The following TENM2 variants were observed in gnomAD, a reference collection of about 807,000 sequenced individuals.
The protein encoded by TENM2 is teneurin-2.
In TENM2, 52 loss-of-function variants were observed where a neutral mutation model predicts 245.2. The observed-to-expected ratio is 0.21, with a 90% CI of 0.17 to 0.27. TENM2 has a LOEUF of 0.27. TENM2 is among the 10% of genes least tolerant of loss of function. The pLI is 1.00. For missense variants in TENM2, 3,046 were observed against 3,666.8 expected (o/e 0.83, Z 4.37); for synonymous variants, 1,363 against 1,438.9 (o/e 0.95, Z 1.19).
the TENM2 span, among the ~76,000 whole-genome samples, chr5:167,058,577 A>C: frequency 6.6e-6 from 1 of 152,096 alleles, no homozygotes; most frequent in South Asian, 2.1e-4. Flanking sequence ...TGGTTAACAT[A>C]GCAAGACCCT....
intron 2 of TENM2, among the ~76,000 whole-genome samples, chr5:167,463,548 G>C (rs1484157651): frequency 6.6e-6 from 1 of 151,740 alleles, no homozygotes; most frequent in African/African-American, 2.4e-5. Flanking sequence ...GCCCAGGCTG[G>C]AGTGTAATGG....
At chr5:168,029,015 A>C (rs1581103684) in intron 5 of TENM2, among the ~76,000 whole-genome samples, 1 of 152,290 alleles carries the variant, frequency 6.6e-6, no homozygotes, top group South Asian at 2.1e-4. Flanking sequence ...CCAGAGGCTG[A>C]CTAGCTTTTA....
intron 4 of TENM2, among the ~76,000 whole-genome samples, chr5:167,987,815 T>G (rs1226441353): frequency 6.6e-6 from 1 of 152,190 alleles, no homozygotes; most frequent in African/African-American, 2.4e-5. Flanking sequence ...TGAAGATCAC[T>G]TCTATCGAAT....
the TENM2 span, among the ~76,000 whole-genome samples, chr5:167,180,410 A>G: frequency 6.6e-6 from 1 of 151,900 alleles, no homozygotes; most frequent in Non-Finnish European, 1.5e-5. Flanking sequence ...TTCTCTCCCT[A>G]CTTTTCTTGG....
chr5:167,669,712 G>T (rs1172656183), intron 2 of TENM2, among the ~76,000 whole-genome samples: 1 of 152,072 alleles, frequency 6.6e-6, no homozygotes, highest in Non-Finnish European at 1.5e-5. Context: ...CTTTACTGGG[G>T]ACAGACGGCA....
chr5:167,502,365 C>A (rs1321723256), intron 2 of TENM2, among the ~76,000 whole-genome samples: 2 of 152,136 alleles, frequency 1.3e-5, no homozygotes, highest in Admixed American at 1.3e-4. Flanking sequence ...CAGCATGCAA[C>A]AATTTAATGA....
intron 1 of TENM2, among the ~76,000 whole-genome samples, chr5:167,366,538 A>G (rs1760066111): frequency 6.6e-6 from 1 of 152,138 alleles, no homozygotes; most frequent in Non-Finnish European, 1.5e-5. Flanking sequence ...TCCCTTTTAT[A>G]AATGAAGTCA....
chr5:168,144,268 G>A (rs1373592451), intron 12 of TENM2, among the ~76,000 whole-genome samples: 12 of 151,790 alleles, frequency 7.9e-5, no homozygotes, highest in Admixed American at 7.9e-4. Flanking sequence ...GCATGCTGGT[G>A]CGCTGCACCC....
chr5:167,967,622 T>TA (rs1036279073), intron 4 of TENM2, among the ~76,000 whole-genome samples: 1 of 151,798 alleles, frequency 6.6e-6, no homozygotes, highest in Non-Finnish European at 1.5e-5. Context: ...AGAAAGAACT[T>TA]AAAAAAAAGA....
intron 2 of TENM2, among the ~76,000 whole-genome samples, chr5:167,536,953 G>T (rs903781850): frequency 3.9e-5 from 6 of 152,066 alleles, no homozygotes; most frequent in Non-Finnish European, 8.8e-5. Flanking sequence ...GAACCCGGGA[G>T]GTGGAGGTTG....
chr5:167,071,103 G>A, the TENM2 span, among the ~76,000 whole-genome samples: 1 of 152,036 alleles, frequency 6.6e-6, no homozygotes, highest in African/African-American at 2.4e-5. Context: ...CAAGCCCTGT[G>A]TGCTTCTATT....
the TENM2 span, among the ~76,000 whole-genome samples, chr5:167,125,029 G>A: frequency 6.6e-6 from 1 of 152,168 alleles, no homozygotes. Flanking sequence ...TGTTCCTGCA[G>A]TATCAATGAT....
intron 21 of TENM2, among the ~76,000 whole-genome samples, chr5:168,216,339 C>A (rs1322511858): frequency 6.6e-6 from 1 of 152,234 alleles, no homozygotes; most frequent in Non-Finnish European, 1.5e-5. Flanking sequence ...CTACAAGAAT[C>A]ATCATTTCTC....
the TENM2 span, among the ~76,000 whole-genome samples, chr5:167,011,320 A>G: frequency 2.6e-5 from 4 of 152,182 alleles, no homozygotes; most frequent in South Asian, 2.1e-4. Flanking sequence ...TATTAATCCT[A>G]TTTAATAAAG....
intron 2 of TENM2, among the ~76,000 whole-genome samples, chr5:167,735,881 C>T (rs1409366469): frequency 6.6e-6 from 1 of 152,190 alleles, no homozygotes; most frequent in African/African-American, 2.4e-5. Flanking sequence ...CCATGATTCA[C>T]TGTACACCCA....
At chr5:167,528,517 G>A (rs1407311863) in intron 2 of TENM2, among the ~76,000 whole-genome samples, 2 of 151,980 alleles carry the variant, frequency 1.3e-5, no homozygotes, top group East Asian at 1.9e-4. Flanking sequence ...AAGTTTGTTG[G>A]GAGGCTTAAA....
At chr5:167,445,310 A>ATT (rs1183210028) in intron 2 of TENM2, among the ~76,000 whole-genome samples, 10 of 61,236 alleles carry the variant, frequency 1.6e-4, no homozygotes, top group Non-Finnish European at 2.0e-4. Flanking sequence ...AAACCATATG[A>ATT]TTATATATAT....
rs554941869 is a variant in TENM2 at position 167,908,943 on chromosome 5, C to A, written c.712+32748C>A. Among the ~76,000 whole-genome samples, 239 of 151,986 alleles carry A rather than the reference C, an allele frequency of 1.6e-3. 1 individual carries two copies. The highest frequency in any genetic ancestry group is 5.6e-3 in the African/African-American group (231 of 41,466). ...ATAATCTGCTGAATAGAGTGCCTTT[C>A]AATTTATGGAAAGGGGTCATATATT... On this transcript the variant is annotated intron_variant, in intron 3 of 28. Transcript: ENST00000518659.
intron 6 of TENM2, among the ~76,000 whole-genome samples, chr5:168,060,504 C>T (rs769770630): frequency 6.6e-6 from 1 of 152,170 alleles, no homozygotes; most frequent in Non-Finnish European, 1.5e-5. Flanking sequence ...CTCAGGACTT[C>T]TGGCTGTTTA....
Sources: gnomAD v4.1 joint callset for allele counts (sites outside exome capture counted in the v4.1 genomes callset) on GRCh38, gnomAD v4.1.1 for gene constraint, MANE v1.5 for transcripts, NCBI Gene and HGNC (gene_info 2026-07-23, HGNC 2026-07-21) for gene names.